Variants in ABR observed in about 807,000 individuals in gnomAD.
ABR encodes active breakpoint cluster region-related protein.
Under a neutral mutation model 107.2 loss-of-function variants are expected in ABR, and 35 were observed. That is an observed-to-expected ratio of 0.33 (90% CI 0.25 to 0.43). ABR has a LOEUF of 0.43. ABR is among the 20% of genes least tolerant of loss of function. The pLI, the probability that ABR is intolerant of heterozygous loss-of-function variation, is 1.00. For missense variants in ABR, 815 were observed against 1,115.2 expected (o/e 0.73, Z 3.83); for synonymous variants, 498 against 462.0 (o/e 1.08, Z -1.00).
rs1199622981 is a variant in ABR, at chr17:1,005,754, GCTGT to G, written c.*322_*325del. The G allele has an allele frequency of 1.0e-5, 4 of 380,960 alleles. No individual in the cohort carries two copies. Among genetic ancestry groups the G allele is most frequent in the African/African-American group, 6.2e-5 (3 of 48,172 alleles). The allele number at this position is 380,960 out of a possible 1,614,324, so 23.6% of individuals were successfully genotyped here. ...TGGAGGAAATGAAAGAACAAAGCGGGCTGTCTGTGTGCCCACGCCGGGCCGGTCA... is the reference window on the plus strand; with the variant it reads ...TGGAGGAAATGAAAGAACAAAGCGGGCTGTGTGCCCACGCCGGGCCGGTCA... On this transcript the variant is annotated 3_prime_UTR_variant, in exon 23 of 23. Transcript: ENST00000302538.
intron 10 of ABR, among the ~76,000 whole-genome samples, chr17:1,065,793 TG>T (rs1697506102): frequency 6.8e-6 from 1 of 147,334 alleles, no homozygotes; most frequent in Admixed American, 7.1e-5. Flanking sequence ...TTGCTCAGGC[TG>T]GAGTGCAGCA....
At position 1,088,892 on chromosome 17, in the gene ABR, A is replaced by ATTTTTTTTTT. The variant is rs56669324; in HGVS notation, c.531+2763_531+2772dup. Among the ~76,000 whole-genome samples, 2 of 102,500 alleles carry ATTTTTTTTTT rather than the reference A, an allele frequency of 2.0e-5. 1 individual carries two copies. The highest frequency in any genetic ancestry group is 3.8e-5 in the Non-Finnish European group (2 of 52,988). The allele number at this position is 102,500 out of a possible 152,430, so 67.2% of individuals were successfully genotyped here. Reference sequence around the variant, plus strand: ...TAAGCGTGAGCCACTGTGCCCAGCCATTTTTTTTTTTTTTTTTTTTTGAGA... The same window carrying ATTTTTTTTTT: ...TAAGCGTGAGCCACTGTGCCCAGCCATTTTTTTTTTTTTTTTTTTTTTTTTTTTTTTGAGA... On this transcript the variant is annotated intron_variant, in intron 4 of 22. Transcript: ENST00000302538.
In ABR at chr17:1,006,135, G is replaced by A; in HGVS notation, c.2525C>T (p.Pro842Leu). 1.9e-6 allele frequency: 3 copies of A among 1,587,876 alleles called. No individual in the cohort carries two copies. The highest frequency in any genetic ancestry group is 2.3e-5 in the East Asian group (1 of 43,698). Residue 842 changes from proline to leucine, a missense_variant, in exon 23 of 23, where the codon CCC (proline) becomes CTC (leucine). By Grantham distance (98) the Pro-to-Leu change is moderately conservative. Transcript: ENST00000302538. ...CCGCTTGAGTTCTGCGAAGGAAATG[G>A]GGGGGTGCTGCAGGTAGTAGAGGAG... ...QVLLYYLQHPPISFAELKRNT... is the reference protein window; with the variant it reads ...QVLLYYLQHPLISFAELKRNT...
chr17:1,094,277 C>T (rs976416207), intron 3 of ABR, among the ~76,000 whole-genome samples: 1 of 152,196 alleles, frequency 6.6e-6, no homozygotes, highest in Non-Finnish European at 1.5e-5. Context: ...TTCGTGTCAC[C>T]AGCAGCCTCA....
intron 1 of ABR, among the ~76,000 whole-genome samples, chr17:1,156,819 C>G (rs777400850): frequency 6.6e-6 from 1 of 152,176 alleles, no homozygotes; most frequent in Non-Finnish European, 1.5e-5. Flanking sequence ...GACTAACTTG[C>G]TCATAGTCAC....
chr17:1,026,210 C>T (rs2072180922), intron 16 of ABR, among the ~76,000 whole-genome samples: 3 of 152,240 alleles, frequency 2.0e-5, no homozygotes, highest in South Asian at 2.1e-4. Flanking sequence ...GATGTACTCG[C>T]GGGCACACAG....
intron 10 of ABR, among the ~76,000 whole-genome samples, chr17:1,061,813 C>A (rs2033967877): frequency 1.3e-5 from 2 of 152,232 alleles, no homozygotes; most frequent in South Asian, 4.1e-4. Flanking sequence ...TCCCAAAGTA[C>A]TGGGATTACC....
intron 16 of ABR, among the ~76,000 whole-genome samples, chr17:1,046,234 G>A (rs1171100946): frequency 1.3e-5 from 2 of 151,318 alleles, no homozygotes; most frequent in African/African-American, 2.4e-5. Flanking sequence ...TCAAACTCCC[G>A]ACCTCCTAAT....
At chr17:1,060,387 G>A (rs1176220073) in intron 10 of ABR, among the ~76,000 whole-genome samples, 1 of 152,118 alleles carries the variant, frequency 6.6e-6, no homozygotes, top group Non-Finnish European at 1.5e-5. Context: ...TCCAGCCTGG[G>A]TGACAGAGCG....
chr17:1,206,890 C>G (rs999382348), intron 1 of ABR, among the ~76,000 whole-genome samples: 2 of 151,906 alleles, frequency 1.3e-5, no homozygotes, highest in African/African-American at 4.8e-5. Flanking sequence ...TTCGAGACCA[C>G]CCTGGCCAAC....
intron 16 of ABR, chr17:1,031,769 A>G: frequency 8.1e-7 from 1 of 1,230,970 alleles, no homozygotes; most frequent in South Asian, 3.8e-5. Context: ...GCGGCGCTGG[A>G]GAGAAGGCGC....
chr17:1,140,249 T>C (rs923274067), intron 1 of ABR, among the ~76,000 whole-genome samples: 7 of 152,156 alleles, frequency 4.6e-5, no homozygotes, highest in Admixed American at 6.5e-5. Flanking sequence ...CTTGGAGGGC[T>C]GAGCGATGGA....
chr17:1,060,237 T>C (rs2257842), intron 10 of ABR, among the ~76,000 whole-genome samples: 134,895 of 152,044 alleles, frequency 0.89, 60,047 homozygotes, highest in East Asian at 0.97. Flanking sequence ...GTGGTGAAAC[T>C]CCGTCTCTAC....
chr17:1,175,705 A>G (rs1486124807), intron 1 of ABR, among the ~76,000 whole-genome samples: 1 of 152,108 alleles, frequency 6.6e-6, no homozygotes, highest in Non-Finnish European at 1.5e-5. Flanking sequence ...TTGCTGCCCA[A>G]CCCTCATCAA....
intron 12 of ABR, chr17:1,057,729 GAGAAAGCCC>G: frequency 2.0e-6 from 1 of 493,504 alleles, no homozygotes; most frequent in South Asian, 2.1e-5. Flanking sequence ...TAGAGAGAGA[GAGAAAGCCC>G]AGGCTGGGCT....
At chr17:1,203,380 C>CCCG (rs2042711572) in intron 1 of ABR, among the ~76,000 whole-genome samples, 3 of 56,840 alleles carry the variant, frequency 5.3e-5, no homozygotes, top group Non-Finnish European at 1.1e-4. Context: ...GGGGGCGGGG[C>CCCG]CTTGAGGGGG....
In ABR at chr17:1,148,612, CGTA is replaced by C. The variant is rs1336102446; in HGVS notation, c.62-23248_62-23246del. ...CCGAGCAGCAGCGGCATTAGGTTCT[CGTA>C]GGAGCGTGAGCCCTGTCGTGATCTG... On this transcript the variant is annotated intron_variant, in intron 1 of 22. Coordinates refer to ENST00000302538, the MANE Select transcript of ABR (RefSeq NM_021962.5). This position sits in a 1 kb window ranked among gnomAD's most constrained non-coding sequence, Gnocchi z 4.9. Among the ~76,000 whole-genome samples, 1 of 152,210 alleles carries C rather than the reference CGTA, an allele frequency of 6.6e-6. No homozygotes were observed. Among genetic ancestry groups the C allele is most frequent in the Non-Finnish European group, 1.5e-5 (1 of 68,044 alleles).
In ABR at chr17:1,209,749, A is replaced by G. The variant is rs550027586; in HGVS notation, c.838+19044T>C. ...TAATACTTGGTGACGTGGACACCCC[A>G]CACACATACGAGTTACACATATACA... On this transcript the variant is annotated intron_variant, in intron 1 of 22. Coordinates refer to the ABR transcript ENST00000574139. 1.7e-3 allele frequency among the ~76,000 whole-genome samples: 259 copies of G among 152,320 alleles called. 1 individual carries two copies. Among genetic ancestry groups the G allele is most frequent in the African/African-American group, 5.4e-3 (224 of 41,576 alleles).
intron 1 of ABR, among the ~76,000 whole-genome samples, chr17:1,216,238 C>T (rs2043006736): frequency 6.6e-6 from 1 of 152,104 alleles, no homozygotes; most frequent in Non-Finnish European, 1.5e-5. Flanking sequence ...CAGGCTCAGC[C>T]CTTATATCAA....
Sources: allele counts gnomAD v4.1 joint callset (sites outside exome capture counted in the v4.1 genomes callset), GRCh38; gene constraint gnomAD v4.1.1; non-coding constraint Gnocchi (gnomAD v3.1); transcripts MANE v1.5; gene names NCBI Gene and HGNC (gene_info 2026-07-23, HGNC 2026-07-21).